PRTG: variants seen among roughly 807,000 people sequenced by gnomAD.
The protein encoded by PRTG is protogenin.
PRTG carries 67 observed loss-of-function variants against 122.5 expected under a neutral mutation model. That is an observed-to-expected ratio of 0.55 (90% confidence interval 0.45 to 0.67). The LOEUF (loss-of-function observed/expected upper bound fraction) is 0.67. Ranked by LOEUF, PRTG falls within the 30% of genes least tolerant of loss-of-function variation. The pLI, the probability that PRTG is intolerant of heterozygous loss-of-function variation, is 0.00. For synonymous variants in PRTG, 554 were observed against 501.1 expected (o/e 1.11, Z -1.41); for missense variants, 1,435 against 1,415.4 (o/e 1.01, Z -0.22).
chr15:55,628,972 C>T lies in PRTG; in HGVS notation c.2656G>A (p.Val886Ile). 6.2e-7 allele frequency: 1 copy of T among 1,611,220 alleles called. No individual in the cohort carries two copies. Among genetic ancestry groups the T allele is most frequent in the Non-Finnish European group, 8.5e-7 (1 of 1,178,138 alleles). Residue 886 changes from valine (V) to isoleucine (I), a missense_variant, in exon 16 of 20, where the codon GTA becomes ATA. Val to Ile is a conservative substitution (Grantham distance 29). Coordinates refer to ENST00000389286, the MANE Select transcript of PRTG (RefSeq NM_173814.6). Reference protein sequence around the residue: ...AITMALLENLVAGNVYIVKIS... With the variant: ...AITMALLENLIAGNVYIVKIS... ...TTGACAATGTACACATTTCCTGCTACCAAGTTTTCTAGCAAAGCCATGGTT... is the reference window on the plus strand; with the variant it reads ...TTGACAATGTACACATTTCCTGCTATCAAGTTTTCTAGCAAAGCCATGGTT...
chr15:55,680,279 A>G, intron 5 of PRTG, 67 bp from the exon 6 acceptor site: 1 of 1,291,614 alleles, frequency 7.7e-7, no homozygotes, highest in Non-Finnish European at 1.1e-6. Flanking sequence ...TCAAAAGACC[A>G]CTATCCAAGC....
At chr15:55,689,203 T>C (rs537844884) in intron 2 of PRTG, among the ~76,000 whole-genome samples, 2 of 152,308 alleles carry the variant, frequency 1.3e-5, no homozygotes, top group African/African-American at 4.8e-5. Flanking sequence ...ATTCAAAGGC[T>C]TCTATAGGTT....
At chr15:55,693,324 C>G (rs942291838) in intron 2 of PRTG, among the ~76,000 whole-genome samples, 2 of 152,110 alleles carry the variant, frequency 1.3e-5, no homozygotes, top group African/African-American at 4.8e-5. Flanking sequence ...GGCGTGGCGG[C>G]GCATGCCTGC....
At chr15:55,726,362 C>T (rs2031030481) in intron 2 of PRTG, among the ~76,000 whole-genome samples, 1 of 152,142 alleles carries the variant, frequency 6.6e-6, no homozygotes, top group African/African-American at 2.4e-5. Flanking sequence ...CAAGCATGAG[C>T]TACTGTGCCC....
At chr15:55,627,290 G>T (rs2059200201) in intron 16 of PRTG, among the ~76,000 whole-genome samples, 162 bp from the exon 17 acceptor site, 1 of 151,096 alleles carries the variant, frequency 6.6e-6, no homozygotes, top group African/African-American at 2.4e-5. Context: ...TCTTTAATCA[G>T]TGATTTCAGA....
At chr15:55,710,166 C>G (rs1296951883) in intron 2 of PRTG, among the ~76,000 whole-genome samples, 3 of 152,122 alleles carry the variant, frequency 2.0e-5, no homozygotes, top group Non-Finnish European at 4.4e-5. Flanking sequence ...ATATTTATGG[C>G]AACTATTTTA....
chr15:55,730,226 T>C (rs2031182437), intron 2 of PRTG, among the ~76,000 whole-genome samples: 1 of 151,996 alleles, frequency 6.6e-6, no homozygotes, highest in Non-Finnish European at 1.5e-5. Flanking sequence ...CTCAGCCTCC[T>C]GAGTAGCTGG....
intron 2 of PRTG, among the ~76,000 whole-genome samples, chr15:55,719,659 T>C (rs1281990427): frequency 6.6e-6 from 1 of 152,200 alleles, no homozygotes; most frequent in East Asian, 1.9e-4. Context: ...TACTAAATCA[T>C]AACATAGTAG....
In PRTG at chr15:55,680,428, A is replaced by G. The variant is rs1595644956; in HGVS notation, c.814+63T>C. On this transcript the variant is annotated intron_variant, in intron 5 of 19. Coordinates refer to ENST00000389286, the MANE Select transcript of PRTG (RefSeq NM_173814.6). ...TGTATATAAAATAAACATTTTATAAATTTCATTAGAATGAACAAAATTTAA... is the reference window on the plus strand; with the variant it reads ...TGTATATAAAATAAACATTTTATAAGTTTCATTAGAATGAACAAAATTTAA... 15 of 1,469,792 alleles carry G rather than the reference A, an allele frequency of 1.0e-5. 1 individual carries two copies. The highest frequency in any genetic ancestry group is 1.4e-5 in the Non-Finnish European group (15 of 1,100,636). 91.0% of individuals were successfully genotyped at this position (1,469,792 alleles called of 1,614,324 possible). A position where few individuals can be genotyped will look rare whatever the true frequency, so the allele number is the denominator to read the frequency against.
chr15:55,625,544 T>C (rs1385636351), intron 17 of PRTG, among the ~76,000 whole-genome samples: 1 of 151,916 alleles, frequency 6.6e-6, no homozygotes. Flanking sequence ...CTCAAACTCC[T>C]GAGCTCAAAT....
At chr15:55,704,302 A>C (rs913530726) in intron 2 of PRTG, among the ~76,000 whole-genome samples, 4 of 152,240 alleles carry the variant, frequency 2.6e-5, no homozygotes, top group Non-Finnish European at 4.4e-5. Flanking sequence ...TCAATAAAGC[A>C]TTAAGAAGAG....
intron 11 of PRTG, among the ~76,000 whole-genome samples, chr15:55,665,253 C>A (rs999766580): frequency 1.3e-5 from 2 of 151,754 alleles, no homozygotes; most frequent in Non-Finnish European, 2.9e-5. Flanking sequence ...GAGCGAGACT[C>A]TGTCTCAAAA....
At chr15:55,635,535 A>C (rs1303141021) in intron 15 of PRTG, among the ~76,000 whole-genome samples, 1 of 152,244 alleles carries the variant, frequency 6.6e-6, no homozygotes, top group East Asian at 1.9e-4. Flanking sequence ...GGTTATTTTA[A>C]GTTGTAAATT....
chr15:55,691,826 G>A (rs1385930985), intron 2 of PRTG, among the ~76,000 whole-genome samples: 2 of 151,878 alleles, frequency 1.3e-5, no homozygotes, highest in Non-Finnish European at 2.9e-5. Flanking sequence ...ATTAAAGATA[G>A]GAAAGTGACC....
chr15:55,737,985 T>C (rs1245205463), intron 2 of PRTG, among the ~76,000 whole-genome samples: 1 of 58,760 alleles, frequency 1.7e-5, no homozygotes, highest in Non-Finnish European at 4.1e-5. Flanking sequence ...ATTCTCTCTC[T>C]CTCTCTCTCT....
rs1223356149 is a variant in PRTG, at chr15:55,620,720, G to A, written c.3141C>T (p.Asn1047=). Residue 1047 remains asparagine (N), a synonymous_variant, in exon 19 of 20, where the codon AAC becomes AAT. Transcript: ENST00000389286. The part of the protein sequence containing the change: ...IINSYGPIIK[N]NSKKKWFFFQ... ...AAAAAAACCACTTTTTCTTAGAGTT[G>A]TTTTTAATTATAGGACCATAGCTAT... 1 of 1,602,344 alleles carries A rather than the reference G, an allele frequency of 6.2e-7. No individual in the cohort carries two copies. The highest frequency in any genetic ancestry group is 8.5e-7 in the Non-Finnish European group (1 of 1,177,254).
chr15:55,669,909 A>G (rs1411207899), intron 11 of PRTG, among the ~76,000 whole-genome samples: 1 of 152,216 alleles, frequency 6.6e-6, no homozygotes. Context: ...TGACAAAATA[A>G]TTTTCCAGTT....
chr15:55,691,526 CA>C (rs1567101837), intron 2 of PRTG, among the ~76,000 whole-genome samples: 8 of 150,094 alleles, frequency 5.3e-5, no homozygotes, highest in African/African-American at 2.0e-4. Context: ...ACTAAAAACA[CA>C]AAAATTAGCC....
rs2059122636 is a variant in PRTG, at chr15:55,612,059, A to G, written c.*7953T>C. 1 of 152,068 alleles carries G rather than the reference A, an allele frequency of 6.6e-6. No homozygotes were observed. Among genetic ancestry groups the G allele is most frequent in the African/African-American group, 2.4e-5 (1 of 41,434 alleles). The allele number at this position is 152,068 out of a possible 1,614,324, so 9.4% of individuals were successfully genotyped here. On this transcript the variant is annotated 3_prime_UTR_variant, in exon 20 of 20. Transcript: ENST00000389286. ...TACACACAGACATAAAATTTTGTCCAACAACAGCAACAAGCAGACACATTT... is the reference window on the plus strand; with the variant it reads ...TACACACAGACATAAAATTTTGTCCGACAACAGCAACAAGCAGACACATTT...
Sources: allele counts gnomAD v4.1 joint callset (sites outside exome capture counted in the v4.1 genomes callset), GRCh38; gene constraint gnomAD v4.1.1; transcripts MANE v1.5; gene names NCBI Gene and HGNC (gene_info 2026-07-23, HGNC 2026-07-21).